The following SLC9A9 variants were observed in gnomAD, a reference collection of about 807,000 sequenced individuals.
The protein encoded by SLC9A9 is sodium/hydrogen exchanger 9.
In SLC9A9, 62 loss-of-function variants were observed where a neutral mutation model predicts 77.8. The ratio of observed to expected loss-of-function variants is 0.80; its 90% CI spans 0.65 to 0.98. The LOEUF (loss-of-function observed/expected upper bound fraction) is 0.98. Among genes scored for constraint, SLC9A9 ranks in the 50% least tolerant of loss-of-function variants. The pLI, the probability that SLC9A9 is intolerant of heterozygous loss-of-function variation, is 0.00. For synonymous variants in SLC9A9, 320 were observed against 283.5 expected (o/e 1.13, Z -1.29); for missense variants, 775 against 774.9 (o/e 1.00, Z 0.00).
At chr3:143,589,458 C>T (rs1184941916) in intron 6 of SLC9A9, among the ~76,000 whole-genome samples, 2 of 152,054 alleles carry the variant, frequency 1.3e-5, no homozygotes, top group Non-Finnish European at 1.5e-5. Context: ...TGTCTCTTCT[C>T]TACGTTTAGA....
At position 143,329,518 on chromosome 3, in the gene SLC9A9, G is replaced by A. The variant is rs115633535; in HGVS notation, c.1604+33966C>T. Among the ~76,000 whole-genome samples the A allele has an allele frequency of 8.7e-3, 1,326 of 152,246 alleles. 24 individuals carry two copies. The highest frequency in any genetic ancestry group is 0.03 in the African/African-American group (1,257 of 41,540). Reference sequence around the variant, plus strand: ...TGGGGAGGGGGTGCAAATAACATTGGTGAAGCTGGGCTGCCCGACTCTGCC... The same window carrying A: ...TGGGGAGGGGGTGCAAATAACATTGATGAAGCTGGGCTGCCCGACTCTGCC... On this transcript the variant is annotated intron_variant, in intron 14 of 15. Coordinates refer to ENST00000316549, the MANE Select transcript of SLC9A9 (RefSeq NM_173653.4).
At chr3:143,624,565 G>C (rs2038282133) in intron 6 of SLC9A9, among the ~76,000 whole-genome samples, 1 of 150,848 alleles carries the variant, frequency 6.6e-6, no homozygotes, top group Admixed American at 6.6e-5. Flanking sequence ...AAATTCAACA[G>C]CCCCTCATGC....
At chr3:143,278,823 CT>C (rs1938128505) in intron 14 of SLC9A9, among the ~76,000 whole-genome samples, 1 of 152,142 alleles carries the variant, frequency 6.6e-6, no homozygotes, top group Non-Finnish European at 1.5e-5. Flanking sequence ...CTTGCTACTT[CT>C]AAGTAATCCC....
chr3:143,530,144 T>A (rs2036478788), intron 9 of SLC9A9, among the ~76,000 whole-genome samples: 1 of 152,230 alleles, frequency 6.6e-6, no homozygotes, highest in Admixed American at 6.5e-5. Flanking sequence ...AACAAGTGGC[T>A]ATAAGCAAAT....
At chr3:143,383,272 A>T (rs2033345692) in intron 12 of SLC9A9, among the ~76,000 whole-genome samples, 1 of 152,238 alleles carries the variant, frequency 6.6e-6, no homozygotes, top group Non-Finnish European at 1.5e-5. Flanking sequence ...TATTTAATTC[A>T]GCCTTGTGCA....
chr3:143,651,522 T>C (rs1049802166), intron 6 of SLC9A9, among the ~76,000 whole-genome samples: 5 of 152,244 alleles, frequency 3.3e-5, no homozygotes, highest in Non-Finnish European at 7.3e-5. Context: ...CACATTGAAT[T>C]ATCAGATATT....
chr3:143,422,572 C>A (rs1169364190), intron 12 of SLC9A9, among the ~76,000 whole-genome samples: 1 of 151,860 alleles, frequency 6.6e-6, no homozygotes, highest in Admixed American at 6.6e-5. Flanking sequence ...AAGATGGGAA[C>A]AATAGACACT....
intron 12 of SLC9A9, among the ~76,000 whole-genome samples, chr3:143,391,858 A>G (rs2033574452): frequency 6.6e-6 from 1 of 152,224 alleles, no homozygotes; most frequent in South Asian, 2.1e-4. Flanking sequence ...TCAGTGATTG[A>G]AGATCAGATG....
intron 2 of SLC9A9, among the ~76,000 whole-genome samples, chr3:143,823,469 C>T (rs2009222321): frequency 6.6e-6 from 1 of 152,214 alleles, no homozygotes; most frequent in Middle Eastern, 3.4e-3. Context: ...ACAGCCCATG[C>T]ACATACTGGT....
rs140311171 is a variant in SLC9A9, at chr3:143,336,435, A to T, written c.1604+27049T>A. Among the ~76,000 whole-genome samples, 4 of 152,306 alleles carry T rather than the reference A, an allele frequency of 2.6e-5. No individual in the cohort carries two copies. The East Asian group carries it at 7.7e-4, about 29-fold the overall frequency. ...AGCAGGAGCTCCAAAAGATATTTGCACACCGGTGTTCACGGCAGCATTATT... is the reference window on the plus strand; with the variant it reads ...AGCAGGAGCTCCAAAAGATATTTGCTCACCGGTGTTCACGGCAGCATTATT... On this transcript the variant is annotated intron_variant, in intron 14 of 15. Coordinates refer to ENST00000316549, the MANE Select transcript of SLC9A9 (RefSeq NM_173653.4).
chr3:143,701,615 G>A (rs1411276413), intron 4 of SLC9A9, among the ~76,000 whole-genome samples: 8 of 151,934 alleles, frequency 5.3e-5, no homozygotes, highest in Non-Finnish European at 2.9e-5. Flanking sequence ...CACAGTCAGA[G>A]GAGGCAAAAG....
At chr3:143,470,730 A>G (rs1350368935) in intron 11 of SLC9A9, among the ~76,000 whole-genome samples, 1 of 152,198 alleles carries the variant, frequency 6.6e-6, no homozygotes. Flanking sequence ...GATGCCTAGT[A>G]TCAACTATTT....
intron 9 of SLC9A9, among the ~76,000 whole-genome samples, chr3:143,525,931 T>C (rs1331278389): frequency 6.6e-6 from 1 of 152,144 alleles, no homozygotes; most frequent in Non-Finnish European, 1.5e-5. Context: ...TCTTGATAAA[T>C]GAAATAGCTA....
At chr3:143,677,773 C>T (rs1216404813) in intron 5 of SLC9A9, among the ~76,000 whole-genome samples, 1 of 149,740 alleles carries the variant, frequency 6.7e-6, no homozygotes, top group East Asian at 2.0e-4. Context: ...TAACTTTTTA[C>T]ATTTGTGGAA....
intron 12 of SLC9A9, among the ~76,000 whole-genome samples, chr3:143,410,292 C>T (rs931276278): frequency 1.3e-5 from 2 of 152,180 alleles, no homozygotes; most frequent in East Asian, 1.9e-4. Flanking sequence ...CTGGGGTAAG[C>T]AGGGCTATAA....
At chr3:143,846,595 C>T (rs767898924) in intron 1 of SLC9A9, among the ~76,000 whole-genome samples, 4 of 151,886 alleles carry the variant, frequency 2.6e-5, no homozygotes, top group Admixed American at 6.6e-5. Flanking sequence ...GGCTCATGCC[C>T]GTAATGCCAG....
At chr3:143,721,480 G>A (rs896856720) in intron 4 of SLC9A9, among the ~76,000 whole-genome samples, 76 of 152,086 alleles carry the variant, frequency 5.0e-4, no homozygotes, top group African/African-American at 1.8e-3. Flanking sequence ...AAATCTCGGT[G>A]GTGCCTGCGC....
chr3:143,645,011 C>T (rs950571218), intron 6 of SLC9A9, among the ~76,000 whole-genome samples: 4 of 152,166 alleles, frequency 2.6e-5, no homozygotes, highest in African/African-American at 7.2e-5. Flanking sequence ...GTGTTTACAA[C>T]TATGGGTCAA....
At chr3:143,606,436 C>CTCTCTATATATATATATA (rs1419410834) in intron 6 of SLC9A9, among the ~76,000 whole-genome samples, 42 of 54,196 alleles carry the variant, frequency 7.7e-4, no homozygotes, top group East Asian at 2.2e-3. Flanking sequence ...CTCTCTCTCT[C>CTCTCTATATATATATATA]TATATATATA....
Sources: allele counts gnomAD v4.1 joint callset (sites outside exome capture counted in the v4.1 genomes callset), GRCh38; gene constraint gnomAD v4.1.1; transcripts MANE v1.5; gene names NCBI Gene and HGNC (gene_info 2026-07-23, HGNC 2026-07-21).